Variants in BIRC6 observed in about 807,000 individuals in gnomAD.
BIRC6 encodes the protein baculoviral IAP repeat containing 6.
BIRC6 carries 98 observed loss-of-function variants against 503.3 expected under a neutral mutation model. That is an observed-to-expected ratio of 0.19 (90% confidence interval 0.17 to 0.23). BIRC6 has a LOEUF of 0.23. Among genes scored for constraint, BIRC6 ranks in the 10% least tolerant of loss-of-function variants. The pLI is 1.00. For synonymous variants in BIRC6, 2,240 were observed against 2,078.7 expected (o/e 1.08, Z -2.11); for missense variants, 5,360 against 5,806.0 (o/e 0.92, Z 2.50).
chr2:32,465,103 T>A lies in BIRC6; in HGVS notation c.5295T>A (p.His1765Gln), dbSNP rs373047605. The A allele has an allele frequency of 4.4e-6, 7 of 1,608,566 alleles. No individual in the cohort carries two copies. The African/African-American group carries it at 8.0e-5, about 18-fold the overall frequency. ...LGSGLALAIS[H>Q]ASHFLQPPPH... The stretch of plus-strand genomic sequence containing the variant: ...CTGGTCTAGCCCTTGCAATTTCTCA[T>A]GCTTCACATTTTCTTCAACCTCCGC... The change falls in exon 26 of 74, where the codon CAT becomes CAA. Residue 1765 changes from histidine (H) to glutamine (Q), a missense_variant. His to Gln is a conservative substitution (Grantham distance 24). Coordinates refer to ENST00000421745, the MANE Select transcript of BIRC6 (RefSeq NM_016252.4).
rs148765797 is a variant in BIRC6, at chr2:32,512,515, A to G, written c.10347-418A>G. 2.6e-4 allele frequency among the ~76,000 whole-genome samples: 40 copies of G among 152,282 alleles called. No homozygotes were observed. The East Asian group carries it at 7.1e-3, about 27-fold the overall frequency. On this transcript the variant is annotated intron_variant, in intron 53 of 73. Coordinates refer to ENST00000421745, the MANE Select transcript of BIRC6 (RefSeq NM_016252.4). ...ATAAATTAAGCTTAATTTCCATCTT[A>G]TAAAAATTATACTTAAAAAAAATAT...
rs200099118 is a variant in BIRC6, at chr2:32,588,355, CAATA to C, written c.13356-5546_13356-5543del. On this transcript the variant is annotated intron_variant, in intron 66 of 73. Transcript: ENST00000421745. The stretch of plus-strand genomic sequence containing the variant: ...GGACAACAAGAGTGAAACTCCGTCT[CAATA>C]AATAAATAAATAAGATTTTTCTGAA... 8.2e-3 allele frequency among the ~76,000 whole-genome samples: 1,246 copies of C among 152,070 alleles called. 23 individuals are homozygous for C. The highest frequency in any genetic ancestry group is 0.029 in the African/African-American group (1,189 of 41,492).
rs2051694339 is a variant in BIRC6 at position 32,491,441 on chromosome 2, C to G, written c.8223C>G (p.Ala2741=). The G allele has an allele frequency of 6.2e-7, 1 of 1,610,694 alleles. No individual in the cohort carries two copies. The change falls in exon 44 of 74, where the codon GCC becomes GCG. Residue 2741 remains alanine (A), a synonymous_variant. Transcript: ENST00000421745. ...GTTTTATAGCTGGTTCCAGCAGTGC[C>G]ATTGGAACTCAGGAGAGTACTGCTC... ...NMQLNSGSSS[A]IGTQESTAHL...
In BIRC6 at chr2:32,464,704, A is replaced by T; in HGVS notation, c.5137A>T (p.Asn1713Tyr). The T allele has an allele frequency of 6.2e-7, 1 of 1,613,924 alleles. No homozygotes were observed. ...LFMTPPLTPP[N>Y]EAVSVVINAE... ...TATGACTCCACCACTCACTCCACCC[A>T]ATGAAGCAGTTTCCGTTGTGATTAA... The change falls in exon 25 of 74, where the codon AAT (asparagine) becomes TAT (tyrosine). Residue 1713 changes from asparagine to tyrosine, a missense_variant. This residue lies in a region of BIRC6 where 2,299 missense variants were observed against 2,267.2 expected (regional missense o/e 1.01). Coordinates refer to ENST00000421745, the MANE Select transcript of BIRC6 (RefSeq NM_016252.4).
chr2:32,515,440 T>C lies in BIRC6; in HGVS notation c.11019T>C (p.Cys3673=), dbSNP rs144976631. The C allele has an allele frequency of 7.4e-6, 12 of 1,613,184 alleles. No homozygotes were observed. In the African/African-American group the frequency reaches 1.3e-4, roughly 18 times the overall value. Residue 3673 remains cysteine (C), a synonymous_variant, in exon 55 of 74, where the codon TGT becomes TGC. Coordinates refer to ENST00000421745, the MANE Select transcript of BIRC6 (RefSeq NM_016252.4). ...KLRRHHVPQQ[C]NKMPITADLV... ...GGCGCCATCATGTCCCACAACAATGTAATAAGATGCCTATCACAGCCGACC... is the reference window on the plus strand; with the variant it reads ...GGCGCCATCATGTCCCACAACAATGCAATAAGATGCCTATCACAGCCGACC...
At position 32,590,235 on chromosome 2, in the gene BIRC6, A is replaced by G. The variant is rs193225290; in HGVS notation, c.13356-3680A>G. Among the ~76,000 whole-genome samples, 270 of 152,326 alleles carry G rather than the reference A, an allele frequency of 1.8e-3. 1 individual carries two copies. Among genetic ancestry groups the G allele is most frequent in the African/African-American group, 6.1e-3 (255 of 41,578 alleles). ...TCAAAGAGCTTTAGAACTGAGGAGC[A>G]CAGTGTGATCAGTGCTTTTTGGTAA... is the stretch of plus-strand genomic sequence containing the variant. On this transcript the variant is annotated intron_variant, in intron 66 of 73. Coordinates refer to ENST00000421745, the MANE Select transcript of BIRC6 (RefSeq NM_016252.4).
At chr2:32,492,681 A>C (rs955107143) in intron 44 of BIRC6, among the ~76,000 whole-genome samples, 4 of 152,126 alleles carry the variant, frequency 2.6e-5, no homozygotes, top group African/African-American at 9.6e-5. Flanking sequence ...TTTTTGAATA[A>C]AAGAAAGGAG....
At position 32,463,304 on chromosome 2, in the gene BIRC6, C is replaced by T. The variant is rs766311005; in HGVS notation, c.4864C>T (p.His1622Tyr). The change falls in exon 24 of 74, where the codon CAT (histidine) becomes TAT (tyrosine). Residue 1622 changes from histidine to tyrosine, a missense_variant. Physicochemically the swap from His to Tyr is moderately conservative, Grantham distance 83 (BLOSUM62 2). Transcript: ENST00000421745. Reference protein sequence around the residue: ...AAQVALQSLSHAMASAEQQLQ... With the variant: ...AAQVALQSLSYAMASAEQQLQ... ...CCAGGTAGCTTTGCAGTCTCTCTCT[C>T]ATGCAATGGCTTCAGCCGAGCAACA... 15 of 1,613,770 alleles carry T rather than the reference C, an allele frequency of 9.3e-6. No individual in the cohort carries two copies. Among genetic ancestry groups the T allele is most frequent in the Admixed American group, 5.0e-5 (3 of 60,000 alleles).
At chr2:32,588,505 G>GC (rs2061206217) in intron 66 of BIRC6, among the ~76,000 whole-genome samples, 1 of 152,116 alleles carries the variant, frequency 6.6e-6, no homozygotes, top group Non-Finnish European at 1.5e-5. Context: ...GAAGCCCCCT[G>GC]CTCCCACACA....
At chr2:32,400,753 G>A (rs1157592740) in intron 6 of BIRC6, among the ~76,000 whole-genome samples, 2 of 152,108 alleles carry the variant, frequency 1.3e-5, no homozygotes, top group Non-Finnish European at 2.9e-5. Context: ...ATCATTTATA[G>A]TTGTGGCCCC....
At chr2:32,551,721 G>A (rs1003499922) in intron 65 of BIRC6, among the ~76,000 whole-genome samples, 2 of 152,154 alleles carry the variant, frequency 1.3e-5, no homozygotes, top group Non-Finnish European at 2.9e-5. Flanking sequence ...TTTTGGCAAT[G>A]TGGGAGTTGA....
chr2:32,380,093 T>C, intron 2 of BIRC6, 60 bp from the exon 3 acceptor site: 1 of 1,223,006 alleles, frequency 8.2e-7, no homozygotes, highest in Non-Finnish European at 1.1e-6. Flanking sequence ...CTGAATTTAA[T>C]TTTTTGTTGT....
chr2:32,435,884 TAAC>T (rs1319048257), intron 14 of BIRC6, among the ~76,000 whole-genome samples, 166 bp from the exon 15 acceptor site: 2 of 152,186 alleles, frequency 1.3e-5, no homozygotes, highest in African/African-American at 4.8e-5. Flanking sequence ...GAAAGCAACA[TAAC>T]AAATAATTGA....
intron 1 of BIRC6, among the ~76,000 whole-genome samples, chr2:32,368,779 G>A (rs1191416513): frequency 6.6e-6 from 1 of 151,954 alleles, no homozygotes; most frequent in Admixed American, 6.6e-5. Flanking sequence ...AGCCTCCTTA[G>A]CAGCTGGGAT....
At chr2:32,590,055 T>C (rs1253489036) in intron 66 of BIRC6, among the ~76,000 whole-genome samples, 1 of 152,212 alleles carries the variant, frequency 6.6e-6, no homozygotes, top group Non-Finnish European at 1.5e-5. Flanking sequence ...TTTAAATTAA[T>C]CACAGAAAAC....
At chr2:32,478,475 C>CT (rs1033883215) in intron 35 of BIRC6, among the ~76,000 whole-genome samples, 160 bp from the exon 36 acceptor site, 5 of 152,134 alleles carry the variant, frequency 3.3e-5, no homozygotes, top group Admixed American at 6.5e-5. Flanking sequence ...AAATTACATT[C>CT]TTTTTTGCAT....
rs2057828291 is a variant in BIRC6, at chr2:32,543,514, T to C, written c.12565T>C (p.Leu4189=). 2 of 1,613,858 alleles carry C rather than the reference T, an allele frequency of 1.2e-6. No homozygotes were observed. The highest frequency in any genetic ancestry group is 1.7e-6 in the Non-Finnish European group (2 of 1,179,862). The part of the protein sequence containing the change: ...KHAQCLLRLV[L]GVTDDGEGSH... The stretch of plus-strand genomic sequence containing the variant: ...TGCCCAGTGCCTTCTTCGATTGGTA[T>C]TGGGAGTGACAGATGATGGAGAAGG... Residue 4189 remains leucine, a synonymous_variant, in exon 62 of 74, where the codon TTG becomes CTG. Coordinates refer to ENST00000421745, the MANE Select transcript of BIRC6 (RefSeq NM_016252.4).
At chr2:32,468,986 T>C (rs947343809) in intron 29 of BIRC6, among the ~76,000 whole-genome samples, 1 of 152,230 alleles carries the variant, frequency 6.6e-6, no homozygotes, top group Non-Finnish European at 1.5e-5. Flanking sequence ...TGTGTTTTTT[T>C]TGGGTTTCTG....
chr2:32,447,308 C>T (rs1375733596), intron 21 of BIRC6, among the ~76,000 whole-genome samples: 1 of 150,078 alleles, frequency 6.7e-6, no homozygotes, highest in African/African-American at 2.4e-5. Flanking sequence ...AGAGGGGCTC[C>T]TCACTTCCCA....
Sources: gnomAD v4.1 joint callset for allele counts (sites outside exome capture counted in the v4.1 genomes callset) on GRCh38, gnomAD v4.1.1 for gene constraint, gnomAD v4.1.1 regional missense constraint, MANE v1.5 for transcripts, NCBI Gene and HGNC (gene_info 2026-07-23, HGNC 2026-07-21) for gene names.